The following MRTFB variants were observed in gnomAD, a reference collection of about 807,000 sequenced individuals.
MRTFB encodes myocardin-related transcription factor B.
MRTFB carries 29 observed loss-of-function variants against 104.2 expected under a neutral mutation model. The ratio of observed to expected loss-of-function variants is 0.28; its 90% CI spans 0.21 to 0.38. The LOEUF (loss-of-function observed/expected upper bound fraction) is 0.38. Among genes scored for constraint, MRTFB ranks in the 10% least tolerant of loss-of-function variants. The probability of loss-of-function intolerance (pLI) is 1.00; values close to 1 mark genes in which losing one functional copy is unlikely to be tolerated. For synonymous variants in MRTFB, 535 were observed against 519.5 expected, an observed-to-expected ratio of 1.03 and a Z score of -0.41; for missense variants, 1,270 against 1,341.6, an observed-to-expected ratio of 0.95 and a Z score of 0.83.
rs561295350 is a variant in MRTFB, at chr16:14,095,042, T to TAAAATA, written c.-64+15689_-64+15694dup. 5.3e-4 allele frequency among the ~76,000 whole-genome samples: 81 copies of TAAAATA among 152,314 alleles called. 2 individuals carry two copies. The South Asian group carries it at 0.016, about 29-fold the overall frequency. On this transcript the variant is annotated intron_variant, in intron 2 of 16. Transcript: ENST00000571589. ...TGCTGGTTAGGGCACCCCGTAGGTCTAAAATAGTCTTCTTATCTTACCAAA... is the reference window on the plus strand; with the variant it reads ...TGCTGGTTAGGGCACCCCGTAGGTCTAAAATAAAAATAGTCTTCTTATCTTACCAAA...
intron 3 of MRTFB, among the ~76,000 whole-genome samples, chr16:14,173,095 A>T (rs989236736): frequency 6.6e-6 from 1 of 152,090 alleles, no homozygotes; most frequent in Admixed American, 6.5e-5. Flanking sequence ...TAGATCCCAG[A>T]TCTCTGATCC....
intron 2 of MRTFB, among the ~76,000 whole-genome samples, chr16:14,097,800 G>T (rs920767708): frequency 6.6e-6 from 1 of 152,154 alleles, no homozygotes; most frequent in Non-Finnish European, 1.5e-5. Context: ...TAGTTTGCTT[G>T]TTCGAGGGTT....
chr16:13,996,961 C>T, the MRTFB span, among the ~76,000 whole-genome samples: 1 of 152,232 alleles, frequency 6.6e-6, no homozygotes, highest in Non-Finnish European at 1.5e-5. Context: ...GAGGGTTCCA[C>T]CTGCGTGATC....
At chr16:14,036,878 G>A in the MRTFB span, among the ~76,000 whole-genome samples, 1 of 152,058 alleles carries the variant, frequency 6.6e-6, no homozygotes, top group Non-Finnish European at 1.5e-5. Flanking sequence ...CTCCAGAGCT[G>A]AGTAGCAGCT....
Position 14,252,380 on chromosome 16 carries a change from C to A in MRTFB, c.2581C>A (p.Pro861Thr). ...NTPNKPSSPP[P>T]PQQFVVQHSL... is the part of the protein sequence containing the mutation. The stretch of plus-strand genomic sequence containing the variant: ...TTTGACACAGCCTAGTTCACCCCCG[C>A]CACCCCAGCAATTTGTCGTCCAGCA... Residue 861 changes from proline to threonine, a missense_variant, in exon 15 of 17, where the codon CCA (proline) becomes ACA (threonine). Physicochemically the swap from Pro to Thr is conservative, Grantham distance 38. Around this residue, in one of 3 missense-constraint regions of MRTFB, gnomAD observed 1,144 missense variants for 1,131.5 expected, o/e 1.01. Transcript: ENST00000571589. 6.2e-7 allele frequency: 1 copy of A among 1,613,438 alleles called. No individual in the cohort carries two copies. The highest frequency in any genetic ancestry group is 1.1e-5 in the South Asian group (1 of 90,944).
At chr16:14,196,866 T>C (rs990878655) in intron 3 of MRTFB, among the ~76,000 whole-genome samples, 6 of 152,184 alleles carry the variant, frequency 3.9e-5, no homozygotes, top group African/African-American at 1.2e-4. Context: ...CATTTTATAA[T>C]TGGCAAATTA....
chr16:14,038,230 C>T, the MRTFB span, among the ~76,000 whole-genome samples: 9 of 152,218 alleles, frequency 5.9e-5, no homozygotes, highest in African/African-American at 2.2e-4. Flanking sequence ...GTTCTAACTA[C>T]CTCTTATTAT....
At chr16:14,098,047 A>G (rs1442325976) in intron 2 of MRTFB, among the ~76,000 whole-genome samples, 1 of 152,200 alleles carries the variant, frequency 6.6e-6, no homozygotes, top group Non-Finnish European at 1.5e-5. Context: ...GCTATTACAA[A>G]TAAAATCAAT....
At chr16:14,073,808 A>G (rs1251744994) in intron 1 of MRTFB, among the ~76,000 whole-genome samples, 3 of 152,254 alleles carry the variant, frequency 2.0e-5, no homozygotes, top group Admixed American at 2.0e-4. Context: ...TGGAAAATGC[A>G]GATGTATTCA....
chr16:14,087,714 C>T (rs913008479), intron 2 of MRTFB, among the ~76,000 whole-genome samples: 5 of 152,204 alleles, frequency 3.3e-5, no homozygotes, highest in African/African-American at 1.2e-4. Flanking sequence ...GCAGCTATCA[C>T]TCAAACATTA....
intron 1 of MRTFB, among the ~76,000 whole-genome samples, chr16:14,073,377 G>C (rs1053967313): frequency 6.6e-6 from 1 of 152,170 alleles, no homozygotes; most frequent in Non-Finnish European, 1.5e-5. Context: ...GGCAGTTCCA[G>C]CTCCTTGGAG....
chr16:14,204,926 G>A (rs1401493726), intron 3 of MRTFB, among the ~76,000 whole-genome samples: 1 of 152,122 alleles, frequency 6.6e-6, no homozygotes. Context: ...CACAAAAATT[G>A]CACCACAGCA....
intron 9 of MRTFB, among the ~76,000 whole-genome samples, chr16:14,236,770 A>G (rs1044089874): frequency 5.9e-5 from 9 of 152,198 alleles, no homozygotes; most frequent in Admixed American, 5.2e-4. Flanking sequence ...GCTTTGTATT[A>G]CTGCTAAGGG....
intron 2 of MRTFB, among the ~76,000 whole-genome samples, chr16:14,136,259 G>A (rs1175064531): frequency 2.0e-5 from 3 of 151,718 alleles, no homozygotes; most frequent in Non-Finnish European, 4.4e-5. Flanking sequence ...GGGTGACAGA[G>A]CGAGACTCTG....
the MRTFB span, chr16:14,009,160 G>A: frequency 6.6e-6 from 1 of 151,992 alleles, no homozygotes; most frequent in Non-Finnish European, 1.5e-5. Context: ...GTGTTGCTCA[G>A]GTGGTCTCAA....
At chr16:14,093,897 T>C (rs1308888543) in intron 2 of MRTFB, among the ~76,000 whole-genome samples, 9 of 152,222 alleles carry the variant, frequency 5.9e-5, no homozygotes, top group Non-Finnish European at 1.5e-5. Context: ...GCACCCCTTA[T>C]CAGCTCCTGG....
At chr16:14,100,315 A>T (rs1354834490) in intron 2 of MRTFB, among the ~76,000 whole-genome samples, 1 of 152,102 alleles carries the variant, frequency 6.6e-6, no homozygotes, top group Non-Finnish European at 1.5e-5. Context: ...TCAGGAATGG[A>T]TGTTGGATTT....
chr16:14,053,061 G>A, the MRTFB span, among the ~76,000 whole-genome samples: 1 of 152,100 alleles, frequency 6.6e-6, no homozygotes, highest in Admixed American at 6.5e-5. Context: ...CTTGTTTATG[G>A]CTGACTGACA....
the MRTFB span, among the ~76,000 whole-genome samples, chr16:14,012,700 G>T: frequency 6.6e-6 from 1 of 152,130 alleles, no homozygotes; most frequent in South Asian, 2.1e-4. Flanking sequence ...AAGCTCAGGG[G>T]GTTAAGCAAT....
Sources: allele counts gnomAD v4.1 joint callset (sites outside exome capture counted in the v4.1 genomes callset), GRCh38; gene constraint gnomAD v4.1.1; regional missense constraint gnomAD v4.1.1; transcripts MANE v1.5; gene names NCBI Gene and HGNC (gene_info 2026-07-23, HGNC 2026-07-21).